UBE2G1: variants seen among roughly 807,000 people sequenced by gnomAD.
UBE2G1 encodes the protein ubiquitin-conjugating enzyme E2 G1.
Under a neutral mutation model 22.7 loss-of-function variants are expected in UBE2G1, and 5 were observed. The observed-to-expected ratio is 0.22, with a 90% CI of 0.12 to 0.46. The LOEUF is 0.46. Among genes scored for constraint, UBE2G1 ranks in the 20% least tolerant of loss-of-function variants. The pLI is 0.99. For synonymous variants in UBE2G1, 74 were observed against 67.5 expected, an observed-to-expected ratio of 1.10 and a Z score of -0.47; for missense variants, 88 against 203.9, an observed-to-expected ratio of 0.43 and a Z score of 3.46.
chr17:4,326,356 A>G (rs1315678390), intron 1 of UBE2G1, among the ~76,000 whole-genome samples: 1 of 152,214 alleles, frequency 6.6e-6, no homozygotes, highest in East Asian at 1.9e-4. Context: ...ATCACTAATA[A>G]TAGAAGAAAT....
At chr17:4,305,228 C>A (rs1452147543) in intron 2 of UBE2G1, among the ~76,000 whole-genome samples, 1 of 152,080 alleles carries the variant, frequency 6.6e-6, no homozygotes, top group Non-Finnish European at 1.5e-5. Context: ...GCCACTACGC[C>A]CGGCCGACAA....
intron 1 of UBE2G1, among the ~76,000 whole-genome samples, chr17:4,312,695 C>CAA (rs58462791): frequency 4.0e-4 from 31 of 76,880 alleles, no homozygotes; most frequent in African/African-American, 1.2e-3. Flanking sequence ...GACTCCATCT[C>CAA]AAAAAAAAAA....
intron 1 of UBE2G1, among the ~76,000 whole-genome samples, chr17:4,361,672 C>G (rs565637877): frequency 6.6e-6 from 1 of 152,254 alleles, no homozygotes; most frequent in South Asian, 2.1e-4. Context: ...GGCATGATGG[C>G]TCATGCCTGT....
intron 2 of UBE2G1, among the ~76,000 whole-genome samples, chr17:4,305,040 C>T (rs1024994926): frequency 5.3e-5 from 8 of 151,462 alleles, no homozygotes; most frequent in Non-Finnish European, 8.8e-5. Context: ...GCAACCTCTG[C>T]CTCCTGGATT....
rs142843039 is a variant in UBE2G1, at chr17:4,291,285, G to A, written c.248-1877C>T. Among the ~76,000 whole-genome samples, 520 of 151,534 alleles carry A rather than the reference G, an allele frequency of 3.4e-3. 11 individuals carry two copies. Among genetic ancestry groups the A allele is most frequent in the East Asian group, 7.8e-3 (40 of 5,136 alleles). On this transcript the variant is annotated intron_variant, in intron 3 of 5. Transcript: ENST00000396981. ...TGGGGCAGGAGAATTGCTTGAAGCC[G>A]GGAGGCAGAGGTTGCCATGAGCCAA...
intron 1 of UBE2G1, among the ~76,000 whole-genome samples, chr17:4,358,117 G>GT (rs1458467480): frequency 2.0e-5 from 3 of 152,050 alleles, no homozygotes; most frequent in Non-Finnish European, 4.4e-5. Context: ...TAGTGTTACA[G>GT]TTTTTTTAAT....
rs71144177 is a variant in UBE2G1, at chr17:4,279,785, T to TTATATATATA, written c.*37+3003_*37+3012dup. ...GCGAAACTCTGCCCCCAAAAAAAAG[T>TTATATATATA]TATATATATATATATATATATATAT... On this transcript the variant is annotated intron_variant, in intron 5 of 5. Transcript: ENST00000396981. 2.1e-3 allele frequency among the ~76,000 whole-genome samples: 142 copies of TTATATATATA among 68,688 alleles called. 3 individuals carry two copies. Among genetic ancestry groups the TTATATATATA allele is most frequent in the South Asian group, 3.6e-3 (6 of 1,674 alleles). The allele number at this position is 68,688 out of a possible 152,430, so 45.1% of individuals were successfully genotyped here.
Position 4,365,163 on chromosome 17 carries a change from G to T in UBE2G1, c.46+1108C>A, listed in dbSNP as rs1255094514. On this transcript the variant is annotated intron_variant, in intron 1 of 5. Coordinates refer to ENST00000396981, the MANE Select transcript of UBE2G1 (RefSeq NM_003342.5). The stretch of plus-strand genomic sequence containing the variant: ...CTCCAGTCTTTGGCTTCTGCTGAGG[G>T]CTAGAGGCTACTGGTTTTAGAGTGG... 3.9e-5 allele frequency among the ~76,000 whole-genome samples: 6 copies of T among 152,322 alleles called. No homozygotes were observed. In the South Asian group the frequency reaches 8.3e-4, roughly 21 times the overall value.
At chr17:4,315,413 C>T (rs184939719) in intron 1 of UBE2G1, among the ~76,000 whole-genome samples, 2 of 152,280 alleles carry the variant, frequency 1.3e-5, no homozygotes, top group East Asian at 1.9e-4. Flanking sequence ...CAAGACCCAA[C>T]TAGACGTCAT....
chr17:4,354,138 CTG>C (rs1217928583), intron 1 of UBE2G1, among the ~76,000 whole-genome samples: 3 of 152,088 alleles, frequency 2.0e-5, no homozygotes, highest in African/African-American at 7.2e-5. Context: ...TTTCCTTTTT[CTG>C]TGTGTCAAAT....
intron 1 of UBE2G1, among the ~76,000 whole-genome samples, chr17:4,333,574 C>G (rs963930397): frequency 1.3e-5 from 2 of 152,080 alleles, no homozygotes; most frequent in Non-Finnish European, 2.9e-5. Flanking sequence ...GTAATCCCAG[C>G]ACTTTGGGAG....
Position 4,366,214 on chromosome 17 carries a change from G to A in UBE2G1, c.46+57C>T, listed in dbSNP as rs1052898548. The A allele has an allele frequency of 4.7e-6, 7 of 1,488,750 alleles. No homozygotes were observed. The African/African-American group carries it at 8.7e-5, about 19-fold the overall frequency. The allele number at this position is 1,488,750 out of a possible 1,614,324, so 92.2% of individuals were successfully genotyped here. ...TGGCCCGGGAGGAGAAGAGGGACTG[G>A]GCTGCGGCTGTCCGCGATCGCGGCC... On this transcript the variant is annotated intron_variant, in intron 1 of 5. Transcript: ENST00000396981.
intron 1 of UBE2G1, among the ~76,000 whole-genome samples, chr17:4,354,991 G>A (rs1310179288): frequency 6.6e-6 from 1 of 151,962 alleles, no homozygotes; most frequent in Non-Finnish European, 1.5e-5. Context: ...GCTATAGGGA[G>A]GGAGGGAGGA....
chr17:4,321,657 T>C (rs536818284), intron 1 of UBE2G1, among the ~76,000 whole-genome samples: 2 of 152,006 alleles, frequency 1.3e-5, no homozygotes, highest in East Asian at 1.9e-4. Flanking sequence ...CATGTCTGTC[T>C]TTTTTTTGTA....
chr17:4,353,789 C>T (rs973274068), intron 1 of UBE2G1, among the ~76,000 whole-genome samples: 2 of 149,374 alleles, frequency 1.3e-5, no homozygotes, highest in Admixed American at 6.7e-5. Flanking sequence ...GGAATACAGG[C>T]GTGAGCCACC....
chr17:4,324,983 A>G (rs969958859), intron 1 of UBE2G1, among the ~76,000 whole-genome samples: 2 of 152,056 alleles, frequency 1.3e-5, no homozygotes, highest in Non-Finnish European at 2.9e-5. Context: ...AGGCTGAGGC[A>G]GGAGAACGGC....
At chr17:4,331,552 C>T (rs989626834) in intron 1 of UBE2G1, among the ~76,000 whole-genome samples, 1 of 152,170 alleles carries the variant, frequency 6.6e-6, no homozygotes, top group African/African-American at 2.4e-5. Flanking sequence ...TTGGCCTAAT[C>T]GTGTCTTCTA....
chr17:4,293,182 C>T (rs540003934), intron 3 of UBE2G1, among the ~76,000 whole-genome samples: 1 of 152,256 alleles, frequency 6.6e-6, no homozygotes, highest in East Asian at 1.9e-4. Flanking sequence ...AACCTACTTT[C>T]GGTCTCTATG....
chr17:4,321,879 T>C (rs533486652), intron 1 of UBE2G1, among the ~76,000 whole-genome samples: 1 of 152,340 alleles, frequency 6.6e-6, no homozygotes, highest in Admixed American at 6.5e-5. Context: ...GCGATTCAAA[T>C]GTGTGTCTAT....
Sources: allele counts gnomAD v4.1 joint callset (sites outside exome capture counted in the v4.1 genomes callset), GRCh38; gene constraint gnomAD v4.1.1; transcripts MANE v1.5; gene names NCBI Gene and HGNC (gene_info 2026-07-23, HGNC 2026-07-21).